The following GDA variants were observed in gnomAD, a reference collection of about 807,000 sequenced individuals.
GDA encodes the protein cytoplasmic PSD-95 interactor.
A neutral mutation model predicts 59.6 loss-of-function variants in GDA; 18 were observed. The observed-to-expected ratio is 0.30, with a 90% CI of 0.21 to 0.45. The LOEUF is 0.45. Among genes scored for constraint, GDA ranks in the 20% least tolerant of loss-of-function variants. The probability of loss-of-function intolerance (pLI) is 1.00; values close to 1 mark genes in which losing one functional copy is unlikely to be tolerated. For missense variants in GDA, 427 were observed against 552.3 expected, an observed-to-expected ratio of 0.77 and a Z score of 2.27; for synonymous variants, 201 against 201.1, an observed-to-expected ratio of 1.00 and a Z score of 0.00.
At chr9:72,238,590 T>G (rs1839273095) in intron 10 of GDA, among the ~76,000 whole-genome samples, 1 of 152,210 alleles carries the variant, frequency 6.6e-6, no homozygotes, top group South Asian at 2.1e-4. Context: ...AATGAGCACA[T>G]ACCTATGAAA....
chr9:72,156,505 G>C (rs575666294), intron 1 of GDA, among the ~76,000 whole-genome samples: 1 of 152,154 alleles, frequency 6.6e-6, no homozygotes, highest in African/African-American at 2.4e-5. Context: ...CTGAATAGGA[G>C]CTTGGCTTTC....
In GDA at chr9:72,250,805, T is replaced by A; in HGVS notation, c.*2463T>A. 9.9e-6 allele frequency: 16 copies of A among 1,609,568 alleles called. No individual in the cohort carries two copies. The highest frequency in any genetic ancestry group is 1.3e-5 in the Non-Finnish European group (15 of 1,176,972). On this transcript the variant is annotated 3_prime_UTR_variant, in exon 14 of 14. Coordinates refer to ENST00000358399, the MANE Select transcript of GDA (RefSeq NM_004293.5). ...ACCCCATCCTCCACCATTTCCTTAATGTTCCATGGTATTTTCAACGGAATA... is the reference window on the plus strand; with the variant it reads ...ACCCCATCCTCCACCATTTCCTTAAAGTTCCATGGTATTTTCAACGGAATA...
In GDA at chr9:72,249,812, A is replaced by G; in HGVS notation, c.*1470A>G. ...CCTTATAGTAGAAACTTTATGTAATATAGCTAACTCCGTATTTACAGAACA... is the reference window on the plus strand; with the variant it reads ...CCTTATAGTAGAAACTTTATGTAATGTAGCTAACTCCGTATTTACAGAACA... On this transcript the variant is annotated 3_prime_UTR_variant, in exon 14 of 14. Coordinates refer to ENST00000358399, the MANE Select transcript of GDA (RefSeq NM_004293.5). The G allele has an allele frequency of 1.1e-6, 1 of 890,462 alleles. No individual in the cohort carries two copies. Among genetic ancestry groups the G allele is most frequent in the South Asian group, 5.2e-5 (1 of 19,334 alleles). The allele number at this position is 890,462 out of a possible 1,614,324, so 55.2% of individuals were successfully genotyped here.
intron 1 of GDA, among the ~76,000 whole-genome samples, chr9:72,181,286 C>T (rs1043441471): frequency 6.6e-6 from 1 of 152,064 alleles, no homozygotes; most frequent in African/African-American, 2.4e-5. Context: ...CCCTTATCAC[C>T]ATTATACTAA....
intron 11 of GDA, among the ~76,000 whole-genome samples, chr9:72,244,344 T>G (rs1839931635): frequency 2.0e-5 from 3 of 152,188 alleles, no homozygotes; most frequent in Admixed American, 1.3e-4. Context: ...TACCCCCATC[T>G]TTCTGAAACT....
At chr9:72,139,960 C>T (rs1003570358) in intron 1 of GDA, among the ~76,000 whole-genome samples, 1 of 152,162 alleles carries the variant, frequency 6.6e-6, no homozygotes, top group Non-Finnish European at 1.5e-5. Flanking sequence ...CTACCACACC[C>T]TAATAAAAAC....
intron 1 of GDA, among the ~76,000 whole-genome samples, chr9:72,127,920 A>G (rs1222323046): frequency 1.3e-5 from 2 of 152,164 alleles, no homozygotes; most frequent in Non-Finnish European, 2.9e-5. Flanking sequence ...GTATCTGTTT[A>G]TCTTTTACTT....
intron 1 of GDA, among the ~76,000 whole-genome samples, chr9:72,134,494 T>G (rs1450736393): frequency 3.3e-5 from 5 of 150,636 alleles, no homozygotes; most frequent in Non-Finnish European, 7.4e-5. Context: ...CTCTGCCTCC[T>G]GGGTTCAAGA....
chr9:72,198,846 G>GATAGATATATATATATATATAT (rs1554669169), intron 2 of GDA, among the ~76,000 whole-genome samples: 6 of 128,642 alleles, frequency 4.7e-5, no homozygotes, highest in African/African-American at 1.9e-4. Flanking sequence ...TATATAGGGG[G>GATAGATATATATATATATATAT]ATATATATAT....
chr9:72,202,505 G>A, intron 2 of GDA, 66 bp from the exon 3 acceptor site: 1 of 1,103,494 alleles, frequency 9.1e-7, no homozygotes, highest in South Asian at 1.5e-5. Flanking sequence ...GAAAAAATGT[G>A]ATTTAAAAAT....
At chr9:72,222,867 C>G (rs1837072478) in intron 6 of GDA, among the ~76,000 whole-genome samples, 1 of 151,932 alleles carries the variant, frequency 6.6e-6, no homozygotes, top group South Asian at 2.1e-4. Context: ...CCACCACGCC[C>G]AGCTAATTTT....
chr9:72,146,594 G>A (rs1414910637), upstream of GDA, among the ~76,000 whole-genome samples: 6 of 152,044 alleles, frequency 3.9e-5, no homozygotes, highest in Admixed American at 6.6e-5. Context: ...GGGTTCAAGC[G>A]ATTCTCCTGC....
At chr9:72,146,542 G>T (rs546870635), upstream of GDA, among the ~76,000 whole-genome samples, 1 of 152,192 alleles carries the variant, frequency 6.6e-6, no homozygotes, top group East Asian at 1.9e-4. Context: ...CCACGCTGGA[G>T]TGCAGTGGTT....
At chr9:72,195,907 A>T (rs757271930) in intron 2 of GDA, among the ~76,000 whole-genome samples, 3 of 152,180 alleles carry the variant, frequency 2.0e-5, no homozygotes, top group Non-Finnish European at 4.4e-5. Context: ...TTTACAGTCC[A>T]TGGAGGACAA....
intron 1 of GDA, among the ~76,000 whole-genome samples, chr9:72,151,777 T>G (rs1827241493): frequency 6.6e-6 from 1 of 152,036 alleles, no homozygotes; most frequent in Admixed American, 6.6e-5. Flanking sequence ...CTGATTTTTT[T>G]GTATTTTAAG....
intron 7 of GDA, among the ~76,000 whole-genome samples, chr9:72,225,179 G>A (rs1434320357): frequency 1.3e-5 from 2 of 152,236 alleles, no homozygotes; most frequent in East Asian, 3.9e-4. Flanking sequence ...TACTCAGGAG[G>A]CTAAGACAGG....
chr9:72,219,457 C>T, intron 5 of GDA, 22 bp from the exon 6 acceptor site: 1 of 1,543,224 alleles, frequency 6.5e-7, no homozygotes, highest in South Asian at 1.2e-5. Flanking sequence ...AGTTTTCTAA[C>T]CCATTTGTTG....
intron 1 of GDA, among the ~76,000 whole-genome samples, chr9:72,173,358 A>G: frequency 7.1e-6 from 1 of 140,120 alleles, no homozygotes; most frequent in African/African-American, 2.7e-5. Flanking sequence ...TTTTAGATGG[A>G]GTCTCGCTGT....
chr9:72,211,116 A>G (rs753887924), intron 4 of GDA, among the ~76,000 whole-genome samples: 1 of 152,174 alleles, frequency 6.6e-6, no homozygotes, highest in Non-Finnish European at 1.5e-5. Flanking sequence ...TAGTTGTGGT[A>G]ATAGTTTCTT....
Sources: allele counts gnomAD v4.1 joint callset (sites outside exome capture counted in the v4.1 genomes callset), GRCh38; gene constraint gnomAD v4.1.1; transcripts MANE v1.5; gene names NCBI Gene and HGNC (gene_info 2026-07-23, HGNC 2026-07-21).